ANKRD44: variants seen among roughly 807,000 people sequenced by gnomAD.
The protein encoded by ANKRD44 is ankyrin repeat domain 44, also known as serine/threonine-protein phosphatase 6 regulatory ankyrin repeat subunit B.
ANKRD44 carries 35 observed loss-of-function variants against 116.0 expected under a neutral mutation model. That is an observed-to-expected ratio of 0.30 (90% CI 0.23 to 0.40). The LOEUF is 0.40. Among genes scored for constraint, ANKRD44 ranks in the 10% least tolerant of loss-of-function variants. The probability of loss-of-function intolerance (pLI) is 1.00; values close to 1 mark genes in which losing one functional copy is unlikely to be tolerated. For synonymous variants in ANKRD44, 435 were observed against 461.8 expected (o/e 0.94, Z 0.74); for missense variants, 1,014 against 1,242.6 (o/e 0.82, Z 2.77).
chr2:197,091,905 C>A (rs774001640), intron 10 of ANKRD44, among the ~76,000 whole-genome samples: 1 of 152,148 alleles, frequency 6.6e-6, no homozygotes, highest in Admixed American at 6.5e-5. Flanking sequence ...GCATATATTT[C>A]ATAAATCTAG....
chr2:196,982,108 T>TTTTATATATATATATATATA (rs150861089), downstream of ANKRD44, among the ~76,000 whole-genome samples: 11,559 of 95,910 alleles, frequency 0.12, 1,526 homozygotes, highest in Middle Eastern at 0.16. Flanking sequence ...CTAAAAAAAA[T>TTTTATATATATATATATATA]TATATATATA....
At chr2:197,285,380 C>A (rs1275575040) in intron 1 of ANKRD44, among the ~76,000 whole-genome samples, 1 of 152,142 alleles carries the variant, frequency 6.6e-6, no homozygotes, top group Admixed American at 6.5e-5. Flanking sequence ...GATCAAAACA[C>A]AGTAGCCTGC....
rs1403671851 is a variant in ANKRD44, at chr2:196,989,227, A to T, written c.*364T>A. 1 of 984,418 alleles carries T rather than the reference A, an allele frequency of 1.0e-6. No homozygotes were observed. Among genetic ancestry groups the T allele is most frequent in the Non-Finnish European group, 1.2e-6 (1 of 829,028 alleles). 61.0% of individuals were successfully genotyped at this position (984,418 alleles called of 1,614,324 possible). Reference sequence around the variant, plus strand: ...CCTCACCATTTGTTTCATTTCAAATAAATATAAACACATTTACAGCAAAAG... The same window carrying T: ...CCTCACCATTTGTTTCATTTCAAATTAATATAAACACATTTACAGCAAAAG... On this transcript the variant is annotated 3_prime_UTR_variant, in exon 28 of 28. Transcript: ENST00000282272.
At chr2:197,024,475 G>T (rs1337555346) in intron 17 of ANKRD44, among the ~76,000 whole-genome samples, 2 of 152,182 alleles carry the variant, frequency 1.3e-5, no homozygotes, top group Non-Finnish European at 2.9e-5. Context: ...GCTGCTGATG[G>T]CCAACTCTTA....
chr2:197,153,238 AAAAAAAAAAG>A (rs2079704587), intron 2 of ANKRD44, among the ~76,000 whole-genome samples: 1 of 126,856 alleles, frequency 7.9e-6, no homozygotes, highest in Non-Finnish European at 1.8e-5. Context: ...AAAAAAAAAA[AAAAAAAAAAG>A]AAGAAACAAG....
rs1019943728 is a variant in ANKRD44 at position 197,065,216 on chromosome 2, C to T, written c.1650+13487G>A. Among the ~76,000 whole-genome samples the T allele has an allele frequency of 6.6e-5, 10 of 152,016 alleles. No individual in the cohort carries two copies. In the South Asian group the frequency reaches 1.0e-3, roughly 16 times the overall value. On this transcript the variant is annotated intron_variant, in intron 16 of 27. Coordinates refer to ENST00000282272, the MANE Select transcript of ANKRD44 (RefSeq NM_001195144.2). ...TCCTGAATGACTACTGGGTACATAACGAAATGAAGGCAGAAATAAAGATGT... is the reference window on the plus strand; with the variant it reads ...TCCTGAATGACTACTGGGTACATAATGAAATGAAGGCAGAAATAAAGATGT...
At chr2:197,254,313 G>A (rs2082390114) in intron 1 of ANKRD44, among the ~76,000 whole-genome samples, 1 of 152,054 alleles carries the variant, frequency 6.6e-6, no homozygotes, top group Non-Finnish European at 1.5e-5. Context: ...GAACCTGGGA[G>A]GCGGAGGCTG....
At chr2:197,135,828 C>G (rs940835847) in intron 4 of ANKRD44, 2 of 152,580 alleles carry the variant, frequency 1.3e-5, no homozygotes, top group African/African-American at 4.8e-5. Flanking sequence ...CCCACCTCAC[C>G]CCTACTAGGT....
chr2:197,146,924 A>T lies in ANKRD44; in HGVS notation c.190+103T>A, dbSNP rs1319307557. The T allele has an allele frequency of 6.5e-6, 6 of 916,366 alleles. No homozygotes were observed. The East Asian group carries it at 1.7e-4, about 25-fold the overall frequency. The allele number at this position is 916,366 out of a possible 1,614,324, so 56.8% of individuals were successfully genotyped here. ...GCCTATCACATAAACTTCCATGAAC[A>T]TAACAAAGGAATTTTGCTTGGGTTC... On this transcript the variant is annotated intron_variant, in intron 3 of 27. Transcript: ENST00000282272.
chr2:197,133,820 A>G (rs2079147644), intron 4 of ANKRD44, among the ~76,000 whole-genome samples: 1 of 152,182 alleles, frequency 6.6e-6, no homozygotes, highest in Non-Finnish European at 1.5e-5. Context: ...GAAGAAGGAA[A>G]TCTGAATTTA....
At chr2:197,177,594 TTG>T (rs1360462458) in intron 2 of ANKRD44, among the ~76,000 whole-genome samples, 10 of 151,516 alleles carry the variant, frequency 6.6e-5, no homozygotes, top group South Asian at 2.1e-4. Flanking sequence ...GTGTGTGTGT[TTG>T]TGTGTGTGTG....
intron 1 of ANKRD44, among the ~76,000 whole-genome samples, chr2:197,264,410 G>C (rs1178171779): frequency 6.6e-6 from 1 of 152,134 alleles, no homozygotes; most frequent in Non-Finnish European, 1.5e-5. Context: ...CTTTTGTTTT[G>C]ATAGCCATTC....
intron 13 of ANKRD44, 109 bp downstream of exon 13, chr2:197,086,571 C>T (rs1362718905): frequency 5.0e-6 from 5 of 999,662 alleles, no homozygotes; most frequent in Middle Eastern, 2.1e-4. Flanking sequence ...GGATGGAATC[C>T]CCCCAGCTAA....
chr2:197,026,047 CA>C (rs111706910), intron 16 of ANKRD44, among the ~76,000 whole-genome samples: 22,287 of 130,326 alleles, frequency 0.17, 2,731 homozygotes, highest in African/African-American at 0.35. Flanking sequence ...TAAAAAGAAA[CA>C]AAAAAAAAAA....
intron 16 of ANKRD44, among the ~76,000 whole-genome samples, chr2:197,049,330 T>C (rs1057411618): frequency 6.6e-6 from 1 of 152,220 alleles, no homozygotes; most frequent in African/African-American, 2.4e-5. Flanking sequence ...CCTATTTTCA[T>C]ATAAACTTTC....
intron 13 of ANKRD44, among the ~76,000 whole-genome samples, chr2:197,086,225 A>G (rs1373320521): frequency 6.6e-6 from 1 of 152,190 alleles, no homozygotes; most frequent in Non-Finnish European, 1.5e-5. Flanking sequence ...TTACTTACAT[A>G]AAGGACCATT....
In ANKRD44 at chr2:197,021,313, C is replaced by G. The variant is rs368426384; in HGVS notation, c.1722+3883G>C. Reference sequence around the variant, plus strand: ...TTTATAATCCTTTGGGATTTACAATCCCAGTAATGGGATGGCTGGGTCAAA... The same window carrying G: ...TTTATAATCCTTTGGGATTTACAATGCCAGTAATGGGATGGCTGGGTCAAA... On this transcript the variant is annotated intron_variant, in intron 17 of 27. Transcript: ENST00000282272. 6.6e-4 allele frequency among the ~76,000 whole-genome samples: 100 copies of G among 152,294 alleles called. 8 individuals carry two copies. Among genetic ancestry groups the G allele is most frequent in the East Asian group, 6.6e-3 (34 of 5,186 alleles).
intron 16 of ANKRD44, among the ~76,000 whole-genome samples, chr2:197,061,297 C>T (rs184520240): frequency 5.9e-5 from 9 of 152,224 alleles, no homozygotes; most frequent in African/African-American, 1.9e-4. Flanking sequence ...CTCCTCTGGC[C>T]GAACTCCCAT....
intron 4 of ANKRD44, chr2:197,136,357 A>G: frequency 1.8e-6 from 1 of 548,368 alleles, no homozygotes; most frequent in South Asian, 2.4e-5. Context: ...CTGAGAACTC[A>G]TTGAAATTCA....
Sources: gnomAD v4.1 joint callset for allele counts (sites outside exome capture counted in the v4.1 genomes callset) on GRCh38, gnomAD v4.1.1 for gene constraint, MANE v1.5 for transcripts, NCBI Gene and HGNC (gene_info 2026-07-23, HGNC 2026-07-21) for gene names.